SLC35F5: variants seen among roughly 807,000 people sequenced by gnomAD.
SLC35F5 encodes the protein HCV NS5A-transactivated protein 3.
In SLC35F5, 54 loss-of-function variants were observed where a neutral mutation model predicts 68.6. The observed-to-expected ratio is 0.79, with a 90% CI of 0.63 to 0.99. SLC35F5 has a LOEUF of 0.99. Ranked by LOEUF, SLC35F5 falls within the 50% of genes least tolerant of loss-of-function variation. The pLI, the probability that SLC35F5 is intolerant of heterozygous loss-of-function variation, is 0.00. For missense variants in SLC35F5, 567 were observed against 626.9 expected (o/e 0.90, Z 1.02); for synonymous variants, 211 against 205.2 (o/e 1.03, Z -0.24).
intron 1 of SLC35F5, chr2:113,756,013 A>G (rs982804615): frequency 1.7e-5 from 26 of 1,507,386 alleles, no homozygotes; most frequent in African/African-American, 2.8e-5. Context: ...TTCAAGTGGT[A>G]AAAGAAAAGG....
chr2:113,756,461 G>A lies in SLC35F5; in HGVS notation c.-52C>T, dbSNP rs1311283386. On this transcript the variant is annotated 5_prime_UTR_variant, in exon 1 of 16. Transcript: ENST00000245680. ...GCCCAGCGCCACGGCCGCGGCCTCG[G>A]ACTCACAGAGCTGTCACCGCGCCTG... is the stretch of plus-strand genomic sequence containing the variant. 1.3e-6 allele frequency: 2 copies of A among 1,535,584 alleles called. No homozygotes were observed. Among genetic ancestry groups the A allele is most frequent in the Admixed American group, 2.0e-5 (1 of 50,764 alleles).
chr2:113,731,811 AATAT>A (rs1187460453), intron 9 of SLC35F5, among the ~76,000 whole-genome samples, 163 bp from the exon 10 acceptor site: 1 of 152,212 alleles, frequency 6.6e-6, no homozygotes, highest in Non-Finnish European at 1.5e-5. Flanking sequence ...TCAATATAAT[AATAT>A]AGTGTTATAT....
Position 113,712,759 on chromosome 2 carries a change from G to A in SLC35F5, c.*2459C>T, listed in dbSNP as rs540772613. The A allele has an allele frequency of 3.9e-5, 6 of 152,330 alleles. No homozygotes were observed. The highest frequency in any genetic ancestry group is 1.4e-4 in the African/African-American group (6 of 41,578). 9.4% of individuals were successfully genotyped at this position (152,330 alleles called of 1,614,324 possible). A position where few individuals can be genotyped will look rare whatever the true frequency, so the allele number is the denominator to read the frequency against. On this transcript the variant is annotated 3_prime_UTR_variant, in exon 16 of 16. Transcript: ENST00000245680. ...AACGTTATACAATAATGAGATTTAA[G>A]TGATGAATGGAAAGAAAAGAAGGAG...
chr2:113,740,314 G>A (rs1676208469), intron 7 of SLC35F5, among the ~76,000 whole-genome samples: 2 of 152,228 alleles, frequency 1.3e-5, no homozygotes, highest in East Asian at 3.9e-4. Flanking sequence ...AGGCAGGGAG[G>A]CAATAGGAAA....
chr2:113,710,408 T>C lies in SLC35F5; in HGVS notation c.*4810A>G, dbSNP rs1206211841. Among the ~76,000 whole-genome samples, 8 of 152,164 alleles carry C rather than the reference T, an allele frequency of 5.3e-5. No individual in the cohort carries two copies. The highest frequency in any genetic ancestry group is 1.7e-4 in the African/African-American group (7 of 41,440). Reference sequence around the variant, plus strand: ...AAATAAATGTGAAAGCTATTCCAAGTAAGCAAATGGTGGCAAAAACAATCT... The same window carrying C: ...AAATAAATGTGAAAGCTATTCCAAGCAAGCAAATGGTGGCAAAAACAATCT... On this transcript the variant is annotated 3_prime_UTR_variant, in exon 16 of 16. Transcript: ENST00000245680.
At chr2:113,740,174 AAAGAT>A (rs1441850482) in intron 7 of SLC35F5, among the ~76,000 whole-genome samples, 1 of 152,196 alleles carries the variant, frequency 6.6e-6, no homozygotes, top group Non-Finnish European at 1.5e-5. Context: ...ACAAGAGTAA[AAAGAT>A]AAGAGCCAGA....
chr2:113,746,370 A>G lies in SLC35F5; in HGVS notation c.418-31T>C, dbSNP rs200653075. Reference sequence around the variant, plus strand: ...TACAGATAACAAGATACAAAATTCAATGAAACTTACATTATACTGTAGGAC... The same window carrying G: ...TACAGATAACAAGATACAAAATTCAGTGAAACTTACATTATACTGTAGGAC... On this transcript the variant is annotated intron_variant, in intron 4 of 15. Coordinates refer to ENST00000245680, the MANE Select transcript of SLC35F5 (RefSeq NM_025181.5). 4.5e-3 allele frequency: 7,135 copies of G among 1,574,614 alleles called. 22 individuals are homozygous for G. Among genetic ancestry groups the G allele is most frequent in the Non-Finnish European group, 5.6e-3 (6,431 of 1,145,668 alleles).
At chr2:113,729,368 GTAAA>G (rs904905078) in intron 11 of SLC35F5, 29 bp downstream of exon 11, 2 of 1,153,578 alleles carry the variant, frequency 1.7e-6, no homozygotes, top group African/African-American at 3.2e-5. Context: ...ATCATTTAGA[GTAAA>G]TAGCCTCCCA....
intron 4 of SLC35F5, among the ~76,000 whole-genome samples, chr2:113,750,198 T>C (rs1297065756): frequency 1.3e-5 from 2 of 152,188 alleles, no homozygotes; most frequent in Non-Finnish European, 2.9e-5. Context: ...TTTTAACAAC[T>C]CAGAAAATGT....
At position 113,713,659 on chromosome 2, in the gene SLC35F5, A is replaced by G. The variant is rs1405205736; in HGVS notation, c.*1559T>C. 3 of 152,042 alleles carry G rather than the reference A, an allele frequency of 2.0e-5. No homozygotes were observed. The highest frequency in any genetic ancestry group is 4.4e-5 in the Non-Finnish European group (3 of 67,996). 9.4% of individuals were successfully genotyped at this position (152,042 alleles called of 1,614,324 possible). ...ACCCTGTTGAGCTAAACAGGTCAAA[A>G]GTATAATAAACTCAACATTATTTTT... On this transcript the variant is annotated 3_prime_UTR_variant, in exon 16 of 16. Transcript: ENST00000245680.
chr2:113,706,208 C>T (rs1424210122), downstream of SLC35F5, among the ~76,000 whole-genome samples: 1 of 152,180 alleles, frequency 6.6e-6, no homozygotes, highest in Admixed American at 6.5e-5. Flanking sequence ...AGGGATACCA[C>T]CAAGCTCCAA....
intron 12 of SLC35F5, among the ~76,000 whole-genome samples, chr2:113,724,913 T>C (rs1687598087): frequency 6.6e-6 from 1 of 152,152 alleles, no homozygotes; most frequent in Non-Finnish European, 1.5e-5. Flanking sequence ...CTCACCCATA[T>C]GAAAGGTTCT....
chr2:113,710,458 G>A lies in SLC35F5; in HGVS notation c.*4760C>T, dbSNP rs975749113. 6.6e-6 allele frequency among the ~76,000 whole-genome samples: 1 copy of A among 152,112 alleles called. No homozygotes were observed. Among genetic ancestry groups the A allele is most frequent in the African/African-American group, 2.4e-5 (1 of 41,418 alleles). On this transcript the variant is annotated 3_prime_UTR_variant, in exon 16 of 16. Transcript: ENST00000245680. The stretch of plus-strand genomic sequence containing the variant: ...TAAAGAATTGGTTTTAGCCAGGCAT[G>A]GTGGCTCATGCCTGTAATCCCAGCA...
In SLC35F5 at chr2:113,746,305, G is replaced by A. The variant is rs1314690806; in HGVS notation, c.452C>T (p.Thr151Ile). Residue 151 changes from threonine to isoleucine, a missense_variant, in exon 5 of 16, where the codon ACA becomes ATA. Coordinates refer to ENST00000245680, the MANE Select transcript of SLC35F5 (RefSeq NM_025181.5). ...ADAEGYFAAC[T>I]TDTTMNSSLS... ...AGAACTATTCATAGTTGTATCTGTT[G>A]TGCAAGCAGCAAAGTAACCTTCAGC... 6.2e-7 allele frequency: 1 copy of A among 1,613,266 alleles called. No homozygotes were observed. Among genetic ancestry groups the A allele is most frequent in the Non-Finnish European group, 8.5e-7 (1 of 1,179,672 alleles).
intron 7 of SLC35F5, among the ~76,000 whole-genome samples, chr2:113,737,161 A>G (rs10168234): frequency 0.5 from 76,679 of 152,054 alleles, 19,943 homozygotes; most frequent in Middle Eastern, 0.67. Context: ...TTAAGAGAAG[A>G]ACATCTCTCG....
intron 1 of SLC35F5, 122 bp downstream of exon 1, chr2:113,756,248 G>C: frequency 6.5e-7 from 1 of 1,537,052 alleles, no homozygotes; most frequent in Non-Finnish European, 8.7e-7. Context: ...CGCCCCTAGA[G>C]ACCTTCACGG....
chr2:113,725,663 C>T, intron 11 of SLC35F5, 126 bp from the exon 12 acceptor site: 2 of 828,000 alleles, frequency 2.4e-6, no homozygotes, highest in Non-Finnish European at 3.6e-6. Context: ...GCTAAAACTT[C>T]TGTTGGTTTG....
intron 7 of SLC35F5, among the ~76,000 whole-genome samples, chr2:113,736,430 G>A (rs1363979927): frequency 1.3e-5 from 2 of 149,558 alleles, no homozygotes; most frequent in African/African-American, 4.9e-5. Context: ...AGGTGACAGA[G>A]AGACCATTTC....
At chr2:113,731,690 G>T in intron 9 of SLC35F5, 42 bp from the exon 10 acceptor site, 1 of 1,465,142 alleles carries the variant, frequency 6.8e-7, no homozygotes, top group Non-Finnish European at 9.6e-7. Flanking sequence ...AAAGAATTCT[G>T]AAAAGCCTAA....
Sources: gnomAD v4.1 joint callset for allele counts (sites outside exome capture counted in the v4.1 genomes callset) on GRCh38, gnomAD v4.1.1 for gene constraint, MANE v1.5 for transcripts, NCBI Gene and HGNC (gene_info 2026-07-23, HGNC 2026-07-21) for gene names.